FAM227B: variants seen among roughly 807,000 people sequenced by gnomAD.
FAM227B encodes the protein protein FAM227B.
A neutral mutation model predicts 73.8 loss-of-function variants in FAM227B; 88 were observed. The ratio of observed to expected loss-of-function variants is 1.19; its 90% confidence interval spans 1.00 to 1.42. FAM227B has a LOEUF of 1.42. Among genes scored for constraint, FAM227B ranks in the 40% most tolerant of loss-of-function variants. FAM227B has a pLI of 0.00. For missense variants in FAM227B, 632 were observed against 590.9 expected (o/e 1.07, Z -0.72); for synonymous variants, 210 against 190.5 (o/e 1.10, Z -0.84).
chr15:49,541,747 T>C lies in FAM227B; in HGVS notation c.807A>G (p.Glu269=). Residue 269 remains glutamate (E), a synonymous_variant, in exon 10 of 16, where the codon GAA becomes GAG. Transcript: ENST00000299338. ...IYATFHEAFP[E]SSYLFNDEFK... is the part of the protein sequence containing the mutation. ...ATTCATCATTAAAGAGGTAACTCGA[T>C]TCTGGAAATGCTTCATGGAACGTTG... The C allele has an allele frequency of 6.5e-7, 1 of 1,544,198 alleles. No individual in the cohort carries two copies. Among genetic ancestry groups the C allele is most frequent in the Non-Finnish European group, 8.7e-7 (1 of 1,145,090 alleles).
At chr15:49,591,201 A>T (rs1292585838) in intron 3 of FAM227B, among the ~76,000 whole-genome samples, 2 of 150,702 alleles carry the variant, frequency 1.3e-5, no homozygotes, top group Admixed American at 6.6e-5. Context: ...CAGCCTCCCG[A>T]GTAGTTGGGA....
At chr15:49,363,415 T>C (rs1310329554) in intron 13 of FAM227B, among the ~76,000 whole-genome samples, 1 of 152,128 alleles carries the variant, frequency 6.6e-6, no homozygotes, top group Non-Finnish European at 1.5e-5. Context: ...CTTGATTTGA[T>C]TCTCAGCTTG....
intron 8 of FAM227B, among the ~76,000 whole-genome samples, chr15:49,573,625 G>A (rs114382582): frequency 0.017 from 2,587 of 152,276 alleles, 36 homozygotes; most frequent in Middle Eastern, 0.037. Flanking sequence ...GCCAAGGGAT[G>A]ATGCAGCAAA....
intron 11 of FAM227B, among the ~76,000 whole-genome samples, chr15:49,389,863 AT>A (rs1019132663): frequency 3.9e-5 from 6 of 151,936 alleles, no homozygotes; most frequent in African/African-American, 1.4e-4. Context: ...TGGTAGAACC[AT>A]TTTTACCAGC....
Position 49,328,077 on chromosome 15 carries a change from G to C in FAM227B, c.*491C>G. 1 of 1,614,092 alleles carries C rather than the reference G, an allele frequency of 6.2e-7. No homozygotes were observed. The highest frequency in any genetic ancestry group is 8.5e-7 in the Non-Finnish European group (1 of 1,179,986). On this transcript the variant is annotated 3_prime_UTR_variant, in exon 16 of 16. Transcript: ENST00000299338. ...GTGCACAAAGCTTATTACCAGAGGA[G>C]TGATGGAAGCTTAGCACCGGAGAAG...
chr15:49,508,386 G>T, intron 10 of FAM227B, 38 bp from the exon 11 acceptor site: 14 of 1,495,822 alleles, frequency 9.4e-6, no homozygotes, highest in South Asian at 6.6e-5. Flanking sequence ...AAATAAATTT[G>T]GATTTTGAAA....
At chr15:49,522,491 G>A (rs1046361397) in intron 10 of FAM227B, among the ~76,000 whole-genome samples, 2 of 151,840 alleles carry the variant, frequency 1.3e-5, no homozygotes, top group African/African-American at 2.4e-5. Flanking sequence ...TTCAAAATAT[G>A]GATTGTAAGG....
rs1324524144 is a variant in FAM227B at position 49,412,504 on chromosome 15, AT to A, written c.1013-41106del. On this transcript the variant is annotated intron_variant, in intron 11 of 15. Coordinates refer to ENST00000299338, the MANE Select transcript of FAM227B (RefSeq NM_152647.3). Reference sequence around the variant, plus strand: ...AAATATCAACACTGTTATTCTTAAAATTTTTTTTTTCTCAGTGTCACAAGAA... The same window carrying A: ...AAATATCAACACTGTTATTCTTAAAATTTTTTTTTCTCAGTGTCACAAGAA... 6.9e-4 allele frequency among the ~76,000 whole-genome samples: 104 copies of A among 150,714 alleles called. 1 individual carries two copies. Among genetic ancestry groups the A allele is most frequent in the Admixed American group, 4.9e-3 (74 of 15,090 alleles).
Position 49,575,036 on chromosome 15 carries a change from CA to C in FAM227B, c.619del (p.Trp207GlyfsTer27). 1.9e-6 allele frequency: 3 copies of C among 1,593,966 alleles called. No individual in the cohort carries two copies. Among genetic ancestry groups the C allele is most frequent in the East Asian group, 2.3e-5 (1 of 44,024 alleles). ...ASIALLHDSF[W>X]WWFLHKFRPD... ...CCTAAATTTATGGAGAAACCACCAC[CA>C]AAAGGAGTCATGCAAAAGAGCAATG... On this transcript the variant is annotated frameshift_variant, in exon 8 of 16. Transcript: ENST00000299338. LOFTEE classifies it high-confidence loss of function.
intron 10 of FAM227B, among the ~76,000 whole-genome samples, chr15:49,512,487 A>G (rs1253693266): frequency 1.3e-5 from 2 of 152,132 alleles, no homozygotes; most frequent in Non-Finnish European, 2.9e-5. Context: ...ACAATCTTCC[A>G]GAATTATTAT....
intron 11 of FAM227B, among the ~76,000 whole-genome samples, chr15:49,426,855 A>G (rs1266478911): frequency 6.6e-6 from 1 of 152,008 alleles, no homozygotes; most frequent in African/African-American, 2.4e-5. Context: ...TATATATGGT[A>G]TACTTTCTTG....
chr15:49,566,057 A>G (rs900249943), intron 9 of FAM227B, among the ~76,000 whole-genome samples: 2 of 152,142 alleles, frequency 1.3e-5, no homozygotes, highest in Admixed American at 6.6e-5. Flanking sequence ...AGCTAAGAAA[A>G]TTAATTTCTA....
intron 11 of FAM227B, among the ~76,000 whole-genome samples, chr15:49,445,352 A>G (rs979439363): frequency 2.6e-5 from 4 of 151,644 alleles, no homozygotes; most frequent in Non-Finnish European, 5.9e-5. Flanking sequence ...GCTCTTACTT[A>G]TAAGTGAAAA....
intron 11 of FAM227B, among the ~76,000 whole-genome samples, chr15:49,388,020 T>C (rs2046985796): frequency 6.6e-6 from 1 of 151,904 alleles, no homozygotes; most frequent in Non-Finnish European, 1.5e-5. Context: ...TGCTCATGGA[T>C]TGGAAGAATC....
At chr15:49,535,562 A>C (rs1423135846) in intron 10 of FAM227B, among the ~76,000 whole-genome samples, 1 of 151,882 alleles carries the variant, frequency 6.6e-6, no homozygotes, top group Non-Finnish European at 1.5e-5. Context: ...TCCCAAACAC[A>C]CTTAGTGAGA....
chr15:49,574,035 C>T (rs1433102620), intron 8 of FAM227B, among the ~76,000 whole-genome samples: 1 of 151,330 alleles, frequency 6.6e-6, no homozygotes, highest in Non-Finnish European at 1.5e-5. Context: ...TTTCTTTATC[C>T]CTGGCAACAT....
chr15:49,391,491 A>T (rs140374614), intron 11 of FAM227B, among the ~76,000 whole-genome samples: 1 of 152,256 alleles, frequency 6.6e-6, no homozygotes, highest in Non-Finnish European at 1.5e-5. Context: ...GACCCCCATC[A>T]GATGGAAAAG....
At chr15:49,345,327 C>T (rs1305330543) in intron 13 of FAM227B, among the ~76,000 whole-genome samples, 2 of 152,052 alleles carry the variant, frequency 1.3e-5, no homozygotes, top group African/African-American at 4.8e-5. Flanking sequence ...AAAATTTGGT[C>T]ATGGTTGTAC....
intron 13 of FAM227B, among the ~76,000 whole-genome samples, chr15:49,352,804 G>C (rs2042441452): frequency 6.6e-6 from 1 of 152,108 alleles, no homozygotes; most frequent in Middle Eastern, 3.2e-3. Context: ...ATCCCAAGCA[G>C]TTCCCTATCT....
Sources: gnomAD v4.1 joint callset for allele counts (sites outside exome capture counted in the v4.1 genomes callset) on GRCh38, gnomAD v4.1.1 for gene constraint, MANE v1.5 for transcripts, NCBI Gene and HGNC (gene_info 2026-07-23, HGNC 2026-07-21) for gene names.